Variants in HTR4 observed in about 807,000 individuals in gnomAD.
HTR4 encodes the protein 5-hydroxytryptamine (serotonin) receptor 4, G protein-coupled.
In HTR4, 16 loss-of-function variants were observed where a neutral mutation model predicts 36.8. The observed-to-expected ratio is 0.43, with a 90% CI of 0.29 to 0.66. The LOEUF (loss-of-function observed/expected upper bound fraction) is 0.66. Ranked by LOEUF, HTR4 falls within the 30% of genes least tolerant of loss-of-function variation. HTR4 has a pLI of 0.13. For synonymous variants in HTR4, 189 were observed against 185.1 expected, an observed-to-expected ratio of 1.02 and a Z score of -0.17; for missense variants, 438 against 490.9, an observed-to-expected ratio of 0.89 and a Z score of 1.02.
intron 2 of HTR4, among the ~76,000 whole-genome samples, chr5:148,569,466 A>G (rs1363569612): frequency 1.3e-5 from 2 of 152,232 alleles, no homozygotes; most frequent in Non-Finnish European, 2.9e-5. Context: ...ATGTTTACCT[A>G]TGTAACAAAT....
chr5:148,653,966 C>G (rs1224547711), intron 1 of HTR4, 96 bp downstream of exon 1: 3 of 802,716 alleles, frequency 3.7e-6, no homozygotes, highest in Admixed American at 6.2e-5. Flanking sequence ...AACCCCCAAG[C>G]CCCCGACCCC....
intron 6 of HTR4, among the ~76,000 whole-genome samples, chr5:148,502,949 G>A (rs1217771132): frequency 6.6e-6 from 1 of 152,082 alleles, no homozygotes; most frequent in Non-Finnish European, 1.5e-5. Flanking sequence ...GAGACAAAGA[G>A]TAAAAACAAA....
intron 2 of HTR4, among the ~76,000 whole-genome samples, chr5:148,561,529 C>T (rs1210006999): frequency 6.6e-6 from 1 of 152,156 alleles, no homozygotes; most frequent in Non-Finnish European, 1.5e-5. Context: ...AAAAGTGGAA[C>T]TGAGTCAACA....
At chr5:148,625,416 GA>G (rs1290179486) in intron 2 of HTR4, among the ~76,000 whole-genome samples, 1 of 152,120 alleles carries the variant, frequency 6.6e-6, no homozygotes, top group African/African-American at 2.4e-5. Context: ...AATCAAATAT[GA>G]TTTGTAGCTT....
chr5:148,637,154 C>G (rs1427333249), intron 1 of HTR4, 93 bp from the exon 2 acceptor site: 1 of 770,514 alleles, frequency 1.3e-6, no homozygotes, highest in Non-Finnish European at 2.2e-6. Context: ...CTATTGCTTC[C>G]TATTATGACT....
At chr5:148,548,094 G>C (rs2895769) in intron 4 of HTR4, among the ~76,000 whole-genome samples, 1 of 151,996 alleles carries the variant, frequency 6.6e-6, no homozygotes, top group East Asian at 1.9e-4. Context: ...TATGAAGAAA[G>C]AAAATAAAAT....
intron 5 of HTR4, among the ~76,000 whole-genome samples, chr5:148,510,379 G>C (rs1445209609): frequency 6.6e-6 from 1 of 152,142 alleles, no homozygotes; most frequent in African/African-American, 2.4e-5. Flanking sequence ...AAATAAAATA[G>C]AGACAGAATC....
intron 5 of HTR4, among the ~76,000 whole-genome samples, chr5:148,521,780 T>A (rs534031668): frequency 6.6e-6 from 1 of 152,106 alleles, no homozygotes; most frequent in African/African-American, 2.4e-5. Flanking sequence ...CAATGGATCT[T>A]CTCATCACAG....
intron 1 of HTR4, chr5:148,645,022 G>A (rs905755464): frequency 6.6e-6 from 1 of 152,014 alleles, no homozygotes; most frequent in Non-Finnish European, 1.5e-5. Context: ...AATTGGTACT[G>A]GTTTTCGCTT....
chr5:148,520,512 A>C (rs915898415), intron 5 of HTR4, among the ~76,000 whole-genome samples: 8 of 152,224 alleles, frequency 5.3e-5, no homozygotes, highest in African/African-American at 1.7e-4. Flanking sequence ...TTAAGAGCAC[A>C]GACTCTGGAA....
At chr5:148,613,236 A>G (rs1752515909) in intron 2 of HTR4, among the ~76,000 whole-genome samples, 1 of 148,312 alleles carries the variant, frequency 6.7e-6, no homozygotes, top group Non-Finnish European at 1.5e-5. Context: ...AAAAAAGAGA[A>G]TTTTAGACCA....
chr5:148,506,973 T>A (rs1757247123), intron 6 of HTR4, among the ~76,000 whole-genome samples: 1 of 152,196 alleles, frequency 6.6e-6, no homozygotes. Context: ...TGGCGATTCC[T>A]CAAGGATCTA....
chr5:148,614,415 A>G (rs1752576475), intron 2 of HTR4, among the ~76,000 whole-genome samples: 1 of 152,254 alleles, frequency 6.6e-6, no homozygotes. Context: ...AAACTTGAGA[A>G]AAACAAGCAA....
intron 6 of HTR4, among the ~76,000 whole-genome samples, chr5:148,501,938 T>C (rs545144370): frequency 6.6e-6 from 1 of 152,006 alleles, no homozygotes; most frequent in Non-Finnish European, 1.5e-5. Flanking sequence ...CAGGTGCCTG[T>C]AGTCCCAGCT....
downstream of HTR4, among the ~76,000 whole-genome samples, chr5:148,475,468 A>T (rs1755673006): frequency 6.6e-6 from 1 of 152,192 alleles, no homozygotes; most frequent in African/African-American, 2.4e-5. Context: ...ATTGGAGAGG[A>T]TTAAGAGGCA....
At chr5:148,652,324 G>A (rs746378697) in intron 1 of HTR4, among the ~76,000 whole-genome samples, 6 of 152,168 alleles carry the variant, frequency 3.9e-5, no homozygotes, top group Non-Finnish European at 7.4e-5. Context: ...GAATAAAAAG[G>A]TGACTTCAGT....
chr5:148,590,150 T>G (rs903022932), intron 2 of HTR4, among the ~76,000 whole-genome samples: 3 of 152,120 alleles, frequency 2.0e-5, no homozygotes, highest in African/African-American at 7.2e-5. Context: ...ATGTTCTGCC[T>G]ACCATAATGC....
intron 5 of HTR4, among the ~76,000 whole-genome samples, chr5:148,463,029 T>C (rs922061122): frequency 2.6e-5 from 4 of 151,878 alleles, no homozygotes; most frequent in African/African-American, 7.3e-5. Context: ...ATATCGAAAA[T>C]CTACACAAAA....
At chr5:148,615,704 GAAAGAAATAAAATAAAATA>G (rs1232125999) in intron 2 of HTR4, among the ~76,000 whole-genome samples, 1 of 134,268 alleles carries the variant, frequency 7.4e-6, no homozygotes, top group Non-Finnish European at 1.6e-5. Context: ...AAGAAAGAAA[GAAAGAAATAAAATAAAATA>G]AAATAAAATA....
Sources: gnomAD v4.1 joint callset for allele counts (sites outside exome capture counted in the v4.1 genomes callset) on GRCh38, gnomAD v4.1.1 for gene constraint, MANE v1.5 for transcripts, NCBI Gene and HGNC (gene_info 2026-07-23, HGNC 2026-07-21) for gene names.